CLEC16A: variants seen among roughly 807,000 people sequenced by gnomAD.
CLEC16A encodes protein CLEC16A.
CLEC16A carries 51 observed loss-of-function variants against 109.5 expected under a neutral mutation model. The observed-to-expected ratio is 0.47, with a 90% CI of 0.37 to 0.59. The LOEUF (loss-of-function observed/expected upper bound fraction) is 0.59. Among genes scored for constraint, CLEC16A ranks in the 20% least tolerant of loss-of-function variants. The pLI, the probability that CLEC16A is intolerant of heterozygous loss-of-function variation, is 0.00. For missense variants in CLEC16A, 1,339 were observed against 1,394.0 expected, an observed-to-expected ratio of 0.96 and a Z score of 0.63; for synonymous variants, 673 against 564.2, an observed-to-expected ratio of 1.19 and a Z score of -2.73.
intron 22 of CLEC16A, among the ~76,000 whole-genome samples, chr16:11,141,663 C>T (rs538020286): frequency 3.3e-5 from 5 of 152,300 alleles, no homozygotes; most frequent in Non-Finnish European, 5.9e-5. Flanking sequence ...GACAGCAGTG[C>T]GGGGCCACTG....
chr16:11,166,255 A>G, intron 22 of CLEC16A, 133 bp from the exon 23 acceptor site: 7 of 944,946 alleles, frequency 7.4e-6, no homozygotes, highest in Non-Finnish European at 1.0e-5. Context: ...ACGACCAGTG[A>G]GGTCAGCCTG....
chr16:11,128,467 A>T (rs966444460), intron 22 of CLEC16A, among the ~76,000 whole-genome samples: 1 of 152,236 alleles, frequency 6.6e-6, no homozygotes, highest in African/African-American at 2.4e-5. Flanking sequence ...CTGGGACAAC[A>T]GCAAGTCAGA....
In CLEC16A at chr16:11,059,909, G is replaced by A. The variant is rs570280525; in HGVS notation, c.1996-993G>A. On this transcript the variant is annotated intron_variant, in intron 18 of 23. Transcript: ENST00000409790. Reference sequence around the variant, plus strand: ...TAGACCTCATGTGTCTGACTCTGGAGCTGTCCCCATGGGGCACTGCACCCT... The same window carrying A: ...TAGACCTCATGTGTCTGACTCTGGAACTGTCCCCATGGGGCACTGCACCCT... Among the ~76,000 whole-genome samples, 14 of 152,332 alleles carry A rather than the reference G, an allele frequency of 9.2e-5. No homozygotes were observed. In the South Asian group the frequency reaches 2.9e-3, roughly 32 times the overall value.
Position 11,083,971 on chromosome 16 carries a change from G to T in CLEC16A, c.2116+22949G>T, listed in dbSNP as rs1012635625. Among the ~76,000 whole-genome samples the T allele has an allele frequency of 2.6e-5, 4 of 152,164 alleles. No individual in the cohort carries two copies. The East Asian group carries it at 7.7e-4, about 29-fold the overall frequency. ...CCTGAGGGAACACAGCACTGCCTCT[G>T]TCCCAGCCCCCCATTGCTGGTTTTC... On this transcript the variant is annotated intron_variant, in intron 19 of 23. Coordinates refer to ENST00000409790, the MANE Select transcript of CLEC16A (RefSeq NM_015226.3).
intron 22 of CLEC16A, among the ~76,000 whole-genome samples, chr16:11,141,714 C>G (rs11074954): frequency 6.6e-6 from 1 of 152,042 alleles, no homozygotes; most frequent in Non-Finnish European, 1.5e-5. Flanking sequence ...GAGGGACGGT[C>G]TGGGATGTGG....
intron 11 of CLEC16A, among the ~76,000 whole-genome samples, chr16:11,017,447 C>T (rs1418451192): frequency 6.6e-6 from 1 of 152,104 alleles, no homozygotes; most frequent in Non-Finnish European, 1.5e-5. Context: ...GGAGGAAGGA[C>T]AAATCTCCTC....
intron 18 of CLEC16A, among the ~76,000 whole-genome samples, chr16:11,059,839 G>A (rs2048388967): frequency 6.6e-6 from 1 of 152,246 alleles, no homozygotes; most frequent in African/African-American, 2.4e-5. Context: ...GAAGCTCACA[G>A]AAGTCAGGGG....
intron 19 of CLEC16A, among the ~76,000 whole-genome samples, chr16:11,061,931 A>G (rs1433920263): frequency 6.6e-6 from 1 of 152,144 alleles, no homozygotes; most frequent in East Asian, 1.9e-4. Flanking sequence ...TAGTGGCAAG[A>G]TGGCCTTCAG....
intron 22 of CLEC16A, among the ~76,000 whole-genome samples, chr16:11,159,701 G>T (rs1567405703): frequency 2.6e-5 from 4 of 152,202 alleles, no homozygotes. Context: ...GTGAATTGGT[G>T]TGTCGTGTAG....
At chr16:10,959,804 G>T (rs1038381812) in intron 2 of CLEC16A, among the ~76,000 whole-genome samples, 1 of 150,580 alleles carries the variant, frequency 6.6e-6, no homozygotes, top group African/African-American at 2.4e-5. Flanking sequence ...TTAGAGACAG[G>T]GTCTTGCTGT....
intron 6 of CLEC16A, 104 bp downstream of exon 6, chr16:10,972,663 T>G: frequency 3.7e-6 from 4 of 1,072,326 alleles, no homozygotes; most frequent in Non-Finnish European, 5.7e-6. Flanking sequence ...CTCAGTCTGC[T>G]ACTGATAAGT....
intron 3 of CLEC16A, among the ~76,000 whole-genome samples, chr16:10,967,733 T>G (rs932148122): frequency 1.3e-5 from 2 of 152,190 alleles, no homozygotes; most frequent in African/African-American, 2.4e-5. Context: ...AAGTTTTGGC[T>G]TCATGAAACT....
chr16:10,993,043 A>G (rs1034796757), intron 10 of CLEC16A, among the ~76,000 whole-genome samples: 4 of 152,114 alleles, frequency 2.6e-5, no homozygotes, highest in Non-Finnish European at 5.9e-5. Context: ...GAGAGAGGCC[A>G]GCATTCAAGA....
intron 1 of CLEC16A, among the ~76,000 whole-genome samples, chr16:10,953,974 C>CT (rs2041862447): frequency 5.6e-5 from 2 of 35,582 alleles, no homozygotes; most frequent in African/African-American, 1.3e-4. Context: ...AAGACTCCGT[C>CT]TCAAAAAAAA....
At chr16:11,061,789 G>A (rs80035190) in intron 19 of CLEC16A, among the ~76,000 whole-genome samples, 196 of 152,320 alleles carry the variant, frequency 1.3e-3, no homozygotes, top group African/African-American at 4.5e-3. Context: ...TGATGTCACT[G>A]GGAAGTCCAG....
At chr16:11,007,980 A>G (rs1411615341) in intron 11 of CLEC16A, among the ~76,000 whole-genome samples, 1 of 152,146 alleles carries the variant, frequency 6.6e-6, no homozygotes, top group African/African-American at 2.4e-5. Context: ...CAACTTCCCG[A>G]AAACAGTTCT....
At chr16:11,172,352 A>G (rs1319261640) in intron 23 of CLEC16A, among the ~76,000 whole-genome samples, 1 of 152,214 alleles carries the variant, frequency 6.6e-6, no homozygotes, top group Non-Finnish European at 1.5e-5. Context: ...TCTGAGTGAG[A>G]TGCCGATAGG....
At chr16:10,951,326 A>G (rs2041719940) in intron 1 of CLEC16A, among the ~76,000 whole-genome samples, 1 of 152,226 alleles carries the variant, frequency 6.6e-6, no homozygotes, top group Admixed American at 6.5e-5. Context: ...AGAGCCTTTT[A>G]TAAGGACTTT....
At chr16:11,031,570 A>T (rs956520786) in intron 13 of CLEC16A, among the ~76,000 whole-genome samples, 7 of 152,174 alleles carry the variant, frequency 4.6e-5, no homozygotes, top group Admixed American at 4.6e-4. Context: ...TGCTAATGCT[A>T]TGCATGTATT....
Sources: allele counts gnomAD v4.1 joint callset (sites outside exome capture counted in the v4.1 genomes callset), GRCh38; gene constraint gnomAD v4.1.1; transcripts MANE v1.5; gene names NCBI Gene and HGNC (gene_info 2026-07-23, HGNC 2026-07-21).